Variants in PAX9 observed in about 807,000 individuals in gnomAD.
PAX9 encodes paired box protein Pax-9.
A neutral mutation model predicts 29.1 loss-of-function variants in PAX9; 6 were observed. The observed-to-expected ratio is 0.21, with a 90% CI of 0.11 to 0.41. The LOEUF (loss-of-function observed/expected upper bound fraction) is 0.41. Ranked by LOEUF, PAX9 falls within the 10% of genes least tolerant of loss-of-function variation. PAX9 has a pLI of 1.00. For missense variants in PAX9, 443 were observed against 479.1 expected (o/e 0.92, Z 0.70); for synonymous variants, 217 against 211.7 (o/e 1.03, Z -0.22).
At chr14:36,675,038 A>G (rs553703515) in intron 3 of PAX9, among the ~76,000 whole-genome samples, 67 of 152,358 alleles carry the variant, frequency 4.4e-4, no homozygotes, top group African/African-American at 1.5e-3. Context: ...TGAACGGGAA[A>G]AAGTACCTAG....
upstream of PAX9, among the ~76,000 whole-genome samples, chr14:36,659,803 T>C (rs1258269932): frequency 6.6e-6 from 1 of 151,810 alleles, no homozygotes; most frequent in African/African-American, 2.4e-5. Flanking sequence ...CAAGAGGGAG[T>C]TGTATGTTAC....
upstream of PAX9, among the ~76,000 whole-genome samples, chr14:36,661,109 G>A (rs73258672): frequency 0.033 from 5,073 of 152,312 alleles, 291 homozygotes; most frequent in African/African-American, 0.12. Context: ...AGTGCCCCAC[G>A]CACTGGCAAT....
At chr14:36,669,878 G>A (rs575962284) in intron 3 of PAX9, among the ~76,000 whole-genome samples, 16 of 151,832 alleles carry the variant, frequency 1.1e-4, no homozygotes, top group Non-Finnish European at 2.2e-4. Context: ...ATTTATTTTG[G>A]CTTTTTTATA....
intron 3 of PAX9, among the ~76,000 whole-genome samples, chr14:36,673,349 G>A (rs17104928): frequency 0.26 from 39,000 of 152,018 alleles, 6,639 homozygotes; most frequent in South Asian, 0.46. Flanking sequence ...AGTATGAGAA[G>A]TTGGACAAAC....
In PAX9 at chr14:36,663,384, C is replaced by G; in HGVS notation, c.492C>G (p.Ser164Arg). ...LPYNHIYSYP[S>R]PITAAAAKVP... is the part of the protein sequence containing the mutation. ...ACAACCACATCTACTCGTACCCCAGCCCTATCACGGCGGCGGCCGCCAAGG... is the reference window on the plus strand; with the variant it reads ...ACAACCACATCTACTCGTACCCCAGGCCTATCACGGCGGCGGCCGCCAAGG... Residue 164 changes from serine to arginine, a missense_variant, in exon 2 of 4, where the codon AGC (serine) becomes AGG (arginine). By Grantham distance (110) the Ser-to-Arg change is moderately radical. Around this residue, in one of 2 missense-constraint regions of PAX9, gnomAD observed 336 missense variants for 317.2 expected, o/e 1.06. Coordinates refer to ENST00000361487, the MANE Select transcript of PAX9 (RefSeq NM_001372076.1). 6.2e-7 allele frequency: 1 copy of G among 1,613,830 alleles called. No homozygotes were observed. Among genetic ancestry groups the G allele is most frequent in the Non-Finnish European group, 8.5e-7 (1 of 1,179,976 alleles).
At chr14:36,661,663 G>A (rs112791858), upstream of PAX9, 269 of 249,738 alleles carry the variant, frequency 1.1e-3, 5 homozygotes, top group African/African-American at 5.6e-3. Context: ...CCGCTTCTGG[G>A]AAGATGTCAA....
At chr14:36,669,807 A>G (rs991995677) in intron 3 of PAX9, among the ~76,000 whole-genome samples, 1 of 152,120 alleles carries the variant, frequency 6.6e-6, no homozygotes, top group Non-Finnish European at 1.5e-5. Flanking sequence ...TATTAATATT[A>G]CATTGTAATT....
At chr14:36,663,632 G>T in intron 2 of PAX9, 109 bp downstream of exon 2, 4 of 1,423,606 alleles carry the variant, frequency 2.8e-6, no homozygotes, top group Admixed American at 1.9e-5. Flanking sequence ...ACCACCTGAG[G>T]CTTTTTCCTT....
intron 1 of PAX9, among the ~76,000 whole-genome samples, chr14:36,662,396 C>T (rs1023422148): frequency 2.6e-5 from 4 of 152,086 alleles, no homozygotes; most frequent in Non-Finnish European, 4.4e-5. Flanking sequence ...TTCACACGCG[C>T]GCACACATGC....
chr14:36,679,056 A>T lies in PAX9; in HGVS notation c.*2604A>T. The stretch of plus-strand genomic sequence containing the variant: ...CTCTTCAGAAATCCTTTTCTATCTG[A>T]TCCACATGGAGAGGTTAAAGGTTCA... On this transcript the variant is annotated 3_prime_UTR_variant, in exon 4 of 4. Transcript: ENST00000361487. 2 of 985,460 alleles carry T rather than the reference A, an allele frequency of 2.0e-6. No homozygotes were observed. Among genetic ancestry groups the T allele is most frequent in the Non-Finnish European group, 1.2e-6 (1 of 829,968 alleles). The allele number at this position is 985,460 out of a possible 1,614,324, so 61.0% of individuals were successfully genotyped here.
chr14:36,662,800 G>T (rs1730288871), intron 1 of PAX9, 97 bp from the exon 2 acceptor site: 3 of 1,463,346 alleles, frequency 2.1e-6, no homozygotes, highest in Non-Finnish European at 1.9e-6. Context: ...GGACGGGTGC[G>T]TTCGCCCAGT....
At chr14:36,669,232 G>A (rs1467170670) in intron 3 of PAX9, among the ~76,000 whole-genome samples, 1 of 152,122 alleles carries the variant, frequency 6.6e-6, no homozygotes, top group African/African-American at 2.4e-5. Context: ...AGGTTAAATT[G>A]CACATTAATA....
Position 36,676,249 on chromosome 14 carries a change from G to C in PAX9, c.823G>C (p.Ala275Pro). 6.2e-7 allele frequency: 1 copy of C among 1,614,042 alleles called. No individual in the cohort carries two copies. The change falls in exon 4 of 4, where the codon GCT becomes CCT. Residue 275 changes from alanine to proline, a missense_variant. Transcript: ENST00000361487. ...CAGTTTTGTGTCAGCATCCAGCATG[G>C]CTCCTTACCCTACCCCAGCCCAAGT... ...VGSFVSASSM[A>P]PYPTPAQVSP...
In PAX9 at chr14:36,676,868, AG is replaced by A; in HGVS notation, c.*418del. On this transcript the variant is annotated 3_prime_UTR_variant, in exon 4 of 4. Transcript: ENST00000361487. Reference sequence around the variant, plus strand: ...TGTTGAGATTTTGCAAAATCAATAAAGGAAAATACTTATAGAAAAAATTATG... The same window carrying A: ...TGTTGAGATTTTGCAAAATCAATAAAGAAAATACTTATAGAAAAAATTATG... 1 of 227,766 alleles carries A rather than the reference AG, an allele frequency of 4.4e-6. No homozygotes were observed. The highest frequency in any genetic ancestry group is 6.7e-5 in the South Asian group (1 of 15,036). The allele number at this position is 227,766 out of a possible 1,614,324, so 14.1% of individuals were successfully genotyped here.
rs1566479029 is a variant in PAX9 at position 36,676,310 on chromosome 14, G to C, written c.884G>C (p.Gly295Ala). ...ATGACCTACAGTGCTGCTCCTTCTG[G>C]TTATGTTGCTGGACATGGGTGGCAA... ...PYMTYSAAPS[G>A]YVAGHGWQHA... Residue 295 changes from glycine (G) to alanine (A), a missense_variant, in exon 4 of 4, where the codon GGT becomes GCT. By Grantham distance (60) the Gly-to-Ala change is moderately conservative (BLOSUM62 0). Around this residue, in one of 2 missense-constraint regions of PAX9, gnomAD observed 336 missense variants for 317.2 expected, o/e 1.06. Transcript: ENST00000361487. 1 of 1,614,098 alleles carries C rather than the reference G, an allele frequency of 6.2e-7. No individual in the cohort carries two copies. The highest frequency in any genetic ancestry group is 8.5e-7 in the Non-Finnish European group (1 of 1,180,020).
intron 3 of PAX9, chr14:36,671,286 C>T (rs1354054948): frequency 1.0e-5 from 2 of 199,478 alleles, no homozygotes; most frequent in East Asian, 3.2e-4. Context: ...GAATAATGGT[C>T]TATAACCTCT....
At chr14:36,663,978 C>G (rs1211759577) in intron 2 of PAX9, among the ~76,000 whole-genome samples, 1 of 152,186 alleles carries the variant, frequency 6.6e-6, no homozygotes, top group Non-Finnish European at 1.5e-5. Context: ...GAAGTCTGGC[C>G]GGGAGGAGTC....
chr14:36,663,667 G>T lies in PAX9; in HGVS notation c.631+144G>T, dbSNP rs1881379757. ...TTGGAAACGTAAGGAGTCTTCCTAGGGGGTGTTCTGATCTCATTAACTTGA... is the reference window on the plus strand; with the variant it reads ...TTGGAAACGTAAGGAGTCTTCCTAGTGGGTGTTCTGATCTCATTAACTTGA... On this transcript the variant is annotated intron_variant, in intron 2 of 3. Transcript: ENST00000361487. 13 of 1,043,158 alleles carry T rather than the reference G, an allele frequency of 1.2e-5. No individual in the cohort carries two copies. The East Asian group carries it at 3.1e-4, about 25-fold the overall frequency. 64.6% of individuals were successfully genotyped at this position (1,043,158 alleles called of 1,614,324 possible).
chr14:36,663,973 C>G (rs1206593058), intron 2 of PAX9, among the ~76,000 whole-genome samples: 1 of 152,212 alleles, frequency 6.6e-6, no homozygotes, highest in Non-Finnish European at 1.5e-5. Context: ...CGGGAGAAGT[C>G]TGGCCGGGAG....
Sources: gnomAD v4.1 joint callset for allele counts (sites outside exome capture counted in the v4.1 genomes callset) on GRCh38, gnomAD v4.1.1 for gene constraint, gnomAD v4.1.1 regional missense constraint, MANE v1.5 for transcripts, NCBI Gene and HGNC (gene_info 2026-07-23, HGNC 2026-07-21) for gene names.